Variants in TEC observed in about 807,000 individuals in gnomAD.
TEC encodes the protein tec protein tyrosine kinase.
Under a neutral mutation model 93.0 loss-of-function variants are expected in TEC, and 72 were observed. The ratio of observed to expected loss-of-function variants is 0.77; its 90% confidence interval spans 0.64 to 0.94. TEC has a LOEUF of 0.94. Among genes scored for constraint, TEC ranks in the 40% least tolerant of loss-of-function variants. The pLI is 0.00. For missense variants in TEC, 630 were observed against 757.9 expected (o/e 0.83, Z 1.98); for synonymous variants, 249 against 247.7 (o/e 1.01, Z -0.05).
chr4:48,181,692 A>G (rs1432764633), intron 2 of TEC, among the ~76,000 whole-genome samples: 1 of 109,224 alleles, frequency 9.2e-6, no homozygotes, highest in African/African-American at 3.2e-5. Flanking sequence ...AAAAAAGAAA[A>G]AAGAAAAAGA....
Position 48,180,163 on chromosome 4 carries a change from G to T in TEC, c.139-3977C>A, listed in dbSNP as rs1016382564. Among the ~76,000 whole-genome samples, 27 of 152,176 alleles carry T rather than the reference G, an allele frequency of 1.8e-4. No homozygotes were observed. In the East Asian group the frequency reaches 5.2e-3, roughly 29 times the overall value. On this transcript the variant is annotated intron_variant, in intron 2 of 17. Transcript: ENST00000381501. The stretch of plus-strand genomic sequence containing the variant: ...TGGTGCAAAAGTAATTGTAATTTTT[G>T]CCATTAAAAGCAATGGCAAAAGCTG...
intron 2 of TEC, among the ~76,000 whole-genome samples, chr4:48,197,502 A>G (rs1330731504): frequency 6.6e-6 from 1 of 152,226 alleles, no homozygotes; most frequent in Non-Finnish European, 1.5e-5. Flanking sequence ...AGCACATGCA[A>G]GAAGGGCACT....
chr4:48,179,630 C>T (rs1353574964), intron 2 of TEC, among the ~76,000 whole-genome samples: 1 of 151,500 alleles, frequency 6.6e-6, no homozygotes, highest in Non-Finnish European at 1.5e-5. Flanking sequence ...CTCAGGTAAT[C>T]CACCCACCTC....
chr4:48,169,034 A>C (rs58695925), intron 5 of TEC, among the ~76,000 whole-genome samples: 1 of 152,292 alleles, frequency 6.6e-6, no homozygotes, highest in East Asian at 1.9e-4. Flanking sequence ...ACCCAAGATA[A>C]AGAATGTTTC....
chr4:48,264,838 C>G (rs1207621664), intron 1 of TEC, among the ~76,000 whole-genome samples: 2 of 152,034 alleles, frequency 1.3e-5, no homozygotes, highest in Admixed American at 1.3e-4. Flanking sequence ...AGGGTTTCAC[C>G]ATGTTGGCCA....
intron 2 of TEC, among the ~76,000 whole-genome samples, chr4:48,204,473 G>A (rs1165248943): frequency 6.6e-6 from 1 of 152,138 alleles, no homozygotes; most frequent in Non-Finnish European, 1.5e-5. Context: ...CAGACTTCAC[G>A]TGCCTTTTCC....
In TEC at chr4:48,199,455, CTTTTTTTTT is replaced by C. The variant is rs34965891; in HGVS notation, c.139-23278_139-23270del. Among the ~76,000 whole-genome samples, 24 of 67,358 alleles carry C rather than the reference CTTTTTTTTT, an allele frequency of 3.6e-4. No homozygotes were observed. In the South Asian group the frequency reaches 8.0e-3, roughly 22 times the overall value. The allele number at this position is 67,358 out of a possible 152,430, so 44.2% of individuals were successfully genotyped here. ...CTGGGCTACAGAAAGGATTTTCTTT[CTTTTTTTTT>C]TTTTTTTTTTTTTTTTTTTTGAGAC... On this transcript the variant is annotated intron_variant, in intron 2 of 17. Transcript: ENST00000381501.
At chr4:48,216,603 T>A (rs1294443315) in intron 2 of TEC, among the ~76,000 whole-genome samples, 1 of 152,214 alleles carries the variant, frequency 6.6e-6, no homozygotes, top group Non-Finnish European at 1.5e-5. Context: ...AGAAACACTA[T>A]GTTTATTTCA....
chr4:48,211,863 C>T (rs959244033), intron 2 of TEC, among the ~76,000 whole-genome samples: 5 of 151,802 alleles, frequency 3.3e-5, no homozygotes, highest in East Asian at 3.9e-4. Flanking sequence ...TTTGGGAGGC[C>T]GAGGTAGGTG....
intron 2 of TEC, among the ~76,000 whole-genome samples, chr4:48,227,227 A>G (rs550748733): frequency 6.6e-6 from 1 of 152,316 alleles, no homozygotes; most frequent in South Asian, 2.1e-4. Flanking sequence ...GAGGACCATC[A>G]TGAAACACAA....
At chr4:48,145,025 C>T (rs930574381) in intron 14 of TEC, 54 bp downstream of exon 14, 22 of 1,514,052 alleles carry the variant, frequency 1.5e-5, no homozygotes, top group Non-Finnish European at 1.9e-5. Flanking sequence ...TTTGCTGAGC[C>T]AGTGTTACAA....
chr4:48,220,760 C>T (rs1177038333), intron 2 of TEC, among the ~76,000 whole-genome samples: 2 of 152,200 alleles, frequency 1.3e-5, no homozygotes, highest in African/African-American at 4.8e-5. Flanking sequence ...GCACTTCTGA[C>T]ACCAAATATG....
intron 2 of TEC, among the ~76,000 whole-genome samples, chr4:48,209,263 G>C (rs1414822888): frequency 1.3e-5 from 2 of 151,984 alleles, no homozygotes; most frequent in South Asian, 2.1e-4. Flanking sequence ...TAATGAAGTT[G>C]ATGATAGAAA....
intron 1 of TEC, among the ~76,000 whole-genome samples, chr4:48,242,772 C>A (rs1217418084): frequency 1.3e-5 from 2 of 152,194 alleles, no homozygotes; most frequent in Non-Finnish European, 2.9e-5. Flanking sequence ...AGCTCTCATG[C>A]TCTTGTCTCT....
Position 48,171,305 on chromosome 4 carries a change from TTAA to T in TEC, c.325+60_325+62del, listed in dbSNP as rs1490718683. On this transcript the variant is annotated intron_variant, in intron 4 of 17. Transcript: ENST00000381501. ...TAGATACATTAGCTGTATTTCTGTC[TTAA>T]TGATAACAATATTACATCTCCTAAA... is the stretch of plus-strand genomic sequence containing the variant. 7 of 1,359,978 alleles carry T rather than the reference TTAA, an allele frequency of 5.1e-6. No individual in the cohort carries two copies. In the Admixed American group the frequency reaches 1.4e-4, roughly 28 times the overall value. The allele number at this position is 1,359,978 out of a possible 1,614,324, so 84.2% of individuals were successfully genotyped here.
At chr4:48,193,943 G>T (rs2032729145) in intron 2 of TEC, among the ~76,000 whole-genome samples, 1 of 152,118 alleles carries the variant, frequency 6.6e-6, no homozygotes, top group South Asian at 2.1e-4. Context: ...GCAATTTCTG[G>T]GATAGATGGT....
chr4:48,143,828 G>A (rs1012915608), intron 14 of TEC, among the ~76,000 whole-genome samples: 6 of 152,036 alleles, frequency 3.9e-5, no homozygotes, highest in African/African-American at 1.4e-4. Flanking sequence ...CTGTAAAAAG[G>A]GAATAATAAG....
At position 48,176,194 on chromosome 4, in the gene TEC, A is replaced by C; in HGVS notation, c.139-8T>G. On this transcript the variant is annotated splice_polypyrimidine_tract_variant and splice_region_variant and intron_variant, in intron 2 of 17. Coordinates refer to ENST00000381501, the MANE Select transcript of TEC (RefSeq NM_003215.3). ...CCCCTTTCTGTATTTCTTCTGTTAA[A>C]AGAAAAAAAGGAGAAACATTAGAAT... The C allele has an allele frequency of 6.3e-7, 1 of 1,588,408 alleles. No individual in the cohort carries two copies. The highest frequency in any genetic ancestry group is 8.6e-7 in the Non-Finnish European group (1 of 1,158,648).
chr4:48,170,369 CTTT>C lies in TEC; in HGVS notation c.330_332del (p.Ile110_Lys111delinsMet). On this transcript the variant is annotated inframe_deletion, in exon 5 of 18. Transcript: ENST00000381501. The stretch of plus-strand genomic sequence containing the variant: ...ATTTAATCATAATATTATTGTTGTT[CTTT>C]ATTTCTGTAATTCACAGATATAGTA... 1.4e-6 allele frequency: 2 copies of C among 1,395,072 alleles called. No homozygotes were observed. The highest frequency in any genetic ancestry group is 2.0e-6 in the Non-Finnish European group (2 of 995,220). 86.4% of individuals were successfully genotyped at this position (1,395,072 alleles called of 1,614,324 possible).
Sources: allele counts gnomAD v4.1 joint callset (sites outside exome capture counted in the v4.1 genomes callset), GRCh38; gene constraint gnomAD v4.1.1; transcripts MANE v1.5; gene names NCBI Gene and HGNC (gene_info 2026-07-23, HGNC 2026-07-21).